The following SPATA16 variants were observed in gnomAD, a reference collection of about 807,000 sequenced individuals.
The protein encoded by SPATA16 is spermatogenesis-associated protein 16.
A neutral mutation model predicts 63.3 loss-of-function variants in SPATA16; 36 were observed. That is an observed-to-expected ratio of 0.57 (90% CI 0.44 to 0.75). SPATA16 has a LOEUF of 0.75. Ranked by LOEUF, SPATA16 falls within the 30% of genes least tolerant of loss-of-function variation. SPATA16 has a pLI of 0.00. For missense variants in SPATA16, 646 were observed against 679.3 expected (o/e 0.95, Z 0.54); for synonymous variants, 203 against 216.7 (o/e 0.94, Z 0.56).
At chr3:173,118,539 G>A (rs932820590) in intron 1 of SPATA16, among the ~76,000 whole-genome samples, 2 of 152,148 alleles carry the variant, frequency 1.3e-5, no homozygotes, top group Non-Finnish European at 2.9e-5. Flanking sequence ...AAAATATCAA[G>A]TGTTCTAAGA....
At chr3:173,049,336 A>G (rs1400711197) in intron 2 of SPATA16, among the ~76,000 whole-genome samples, 1 of 152,178 alleles carries the variant, frequency 6.6e-6, no homozygotes, top group Non-Finnish European at 1.5e-5. Flanking sequence ...GTAATATAAA[A>G]TAAGGGACAC....
chr3:173,077,303 G>T lies in SPATA16; in HGVS notation c.613-28209C>A, dbSNP rs140007968. On this transcript the variant is annotated intron_variant, in intron 2 of 10. Transcript: ENST00000351008. ...GACTTTCTTCTTCACTTGAAAAATG[G>T]TAGAAGGCAGCGGGAATCTAGAAAA... 8.6e-5 allele frequency among the ~76,000 whole-genome samples: 13 copies of T among 152,020 alleles called. 1 individual carries two copies. The highest frequency in any genetic ancestry group is 3.1e-4 in the African/African-American group (13 of 41,458).
chr3:172,909,017 T>A lies in SPATA16; in HGVS notation c.1587+4644A>T, dbSNP rs184066133. Among the ~76,000 whole-genome samples, 291 of 152,324 alleles carry A rather than the reference T, an allele frequency of 1.9e-3. 1 individual carries two copies. The highest frequency in any genetic ancestry group is 6.8e-3 in the African/African-American group (282 of 41,564). ...GGCACCCTGTTCCTTCCCATTCACA[T>A]CTTCCTCAAGACCTCTCATTTAGAA... On this transcript the variant is annotated intron_variant, in intron 10 of 10. Coordinates refer to ENST00000351008, the MANE Select transcript of SPATA16 (RefSeq NM_031955.6).
At chr3:172,976,898 C>T (rs959114499) in intron 5 of SPATA16, 70 bp downstream of exon 5, 101 of 1,249,030 alleles carry the variant, frequency 8.1e-5, no homozygotes, top group Non-Finnish European at 4.3e-5. Context: ...GTCTTTTAAG[C>T]ACCAATCTTT....
chr3:172,978,285 G>A (rs56000279), intron 4 of SPATA16, among the ~76,000 whole-genome samples: 4,304 of 152,148 alleles, frequency 0.028, 173 homozygotes, highest in African/African-American at 0.099. Context: ...AGCTCTTAAT[G>A]ATAAGGTAAA....
intron 5 of SPATA16, among the ~76,000 whole-genome samples, chr3:172,962,253 C>CA (rs71162320): frequency 0.38 from 18,009 of 47,238 alleles, 4,226 homozygotes; most frequent in Admixed American, 0.44. Context: ...GACTCTGTCT[C>CA]AAAAAAAAAA....
At chr3:172,993,309 C>G (rs1197061141) in intron 4 of SPATA16, among the ~76,000 whole-genome samples, 5 of 151,898 alleles carry the variant, frequency 3.3e-5, no homozygotes, top group African/African-American at 1.2e-4. Context: ...GTCAAATCAT[C>G]AATAATCAAA....
At chr3:172,934,986 G>A (rs1732947768) in intron 6 of SPATA16, among the ~76,000 whole-genome samples, 1 of 151,832 alleles carries the variant, frequency 6.6e-6, no homozygotes. Flanking sequence ...GGAACTTTAG[G>A]ACAAAGTAAT....
chr3:173,124,093 A>G (rs1288959947), intron 1 of SPATA16, among the ~76,000 whole-genome samples: 1 of 152,222 alleles, frequency 6.6e-6, no homozygotes, highest in Non-Finnish European at 1.5e-5. Context: ...CAAATGAGGA[A>G]AATGGCATCA....
intron 6 of SPATA16, among the ~76,000 whole-genome samples, chr3:172,950,826 A>T (rs948093029): frequency 1.3e-5 from 2 of 152,110 alleles, no homozygotes; most frequent in African/African-American, 4.8e-5. Context: ...CTATCCACCT[A>T]AGTGTTAAAG....
At chr3:172,999,312 A>C (rs1274620278) in intron 4 of SPATA16, among the ~76,000 whole-genome samples, 2 of 152,144 alleles carry the variant, frequency 1.3e-5, no homozygotes, top group Non-Finnish European at 2.9e-5. Flanking sequence ...TCAGTTATCA[A>C]ATTTGTGGAC....
chr3:173,097,480 G>T (rs1737387114), intron 2 of SPATA16, among the ~76,000 whole-genome samples: 1 of 152,158 alleles, frequency 6.6e-6, no homozygotes, highest in Non-Finnish European at 1.5e-5. Context: ...TATTCGTTTT[G>T]CTGTAGCACC....
In SPATA16 at chr3:173,129,955, C is replaced by T. The variant is rs577159033; in HGVS notation, c.-19+11148G>A. ...TAGAACCTGAGGCATGAAGATGAGA[C>T]TCCTCCTTAATTATTTGCAGAGGTT... is the stretch of plus-strand genomic sequence containing the variant. On this transcript the variant is annotated intron_variant, in intron 1 of 10. Coordinates refer to ENST00000351008, the MANE Select transcript of SPATA16 (RefSeq NM_031955.6). Among the ~76,000 whole-genome samples the T allele has an allele frequency of 2.6e-5, 4 of 152,292 alleles. No homozygotes were observed. The South Asian group carries it at 8.3e-4, about 32-fold the overall frequency.
intron 6 of SPATA16, among the ~76,000 whole-genome samples, chr3:172,950,878 C>T (rs1443240539): frequency 6.6e-6 from 1 of 152,036 alleles, no homozygotes; most frequent in South Asian, 2.1e-4. Flanking sequence ...TTAAACATTA[C>T]TAACCACAGA....
intron 5 of SPATA16, among the ~76,000 whole-genome samples, chr3:172,965,700 C>T (rs775970186): frequency 8.6e-5 from 13 of 151,634 alleles, no homozygotes; most frequent in East Asian, 1.9e-4. Context: ...GGCGCGATCT[C>T]GGCTCACTAC....
chr3:173,115,745 T>A (rs1325207972), intron 2 of SPATA16, among the ~76,000 whole-genome samples: 1 of 152,192 alleles, frequency 6.6e-6, no homozygotes, highest in Non-Finnish European at 1.5e-5. Flanking sequence ...CTATTAATAA[T>A]TCATTATAAC....
intron 3 of SPATA16, among the ~76,000 whole-genome samples, chr3:173,030,302 T>C (rs55775746): frequency 0.037 from 5,699 of 152,130 alleles, 310 homozygotes; most frequent in African/African-American, 0.12. Context: ...GCCCACAGAA[T>C]GGGAGAAAAT....
At position 172,956,774 on chromosome 3, in the gene SPATA16, G is replaced by T. The variant is rs1733606240; in HGVS notation, c.984C>A (p.Tyr328Ter). The change falls in exon 6 of 11, where the codon TAC becomes TAA. Residue 328 changes from tyrosine to a stop codon, truncating the protein, a stop_gained. Transcript: ENST00000351008. LOFTEE classifies it high-confidence loss of function. ...CTCTTATTTTTGTCGCAAATGGTGT[G>T]TACATAACCGAGAAAGATTCAGCTC... Reference protein sequence around the residue: ...ITRAESFSVMYTPFATKIRAD... With the variant: ...ITRAESFSVM The T allele has an allele frequency of 6.2e-7, 1 of 1,613,304 alleles. No individual in the cohort carries two copies. Among genetic ancestry groups the T allele is most frequent in the Non-Finnish European group, 8.5e-7 (1 of 1,179,556 alleles).
At chr3:172,925,589 A>G (rs899483617) in intron 6 of SPATA16, 97 bp from the exon 7 acceptor site, 2 of 1,432,086 alleles carry the variant, frequency 1.4e-6, no homozygotes, top group Admixed American at 3.5e-5. Context: ...CTTGGAAAAA[A>G]TAATAACTAT....
Sources: allele counts gnomAD v4.1 joint callset (sites outside exome capture counted in the v4.1 genomes callset), GRCh38; gene constraint gnomAD v4.1.1; transcripts MANE v1.5; gene names NCBI Gene and HGNC (gene_info 2026-07-23, HGNC 2026-07-21).